The following TSC22D1 variants were observed in gnomAD, a reference collection of about 807,000 sequenced individuals.
TSC22D1 encodes the protein TSC22 domain family member 1.
In TSC22D1, 9 loss-of-function variants were observed where a neutral mutation model predicts 74.2. That is an observed-to-expected ratio of 0.12 (90% CI 0.07 to 0.21). The LOEUF (loss-of-function observed/expected upper bound fraction) is 0.21, where lower values mean the gene tolerates loss of function less well. TSC22D1 is among the 10% of genes least tolerant of loss of function. TSC22D1 has a pLI of 1.00. For missense variants in TSC22D1, 1,427 were observed against 1,304.7 expected, an observed-to-expected ratio of 1.09 and a Z score of -1.44; for synonymous variants, 586 against 492.5, an observed-to-expected ratio of 1.19 and a Z score of -2.51.
In TSC22D1 at chr13:44,573,527, T is replaced by C; in HGVS notation, c.2548A>G (p.Asn850Asp). ...GPSGMPSAPT[N>D]LVPPQNIAQT... ...GCTATATTTTGTGGTGGAACCAAGT[T>C]TGTTGGGGCAGAAGGCATTCCAGAA... Residue 850 changes from asparagine to aspartate, a missense_variant, in exon 1 of 3, where the codon AAC becomes GAC. By Grantham distance (23) the Asn-to-Asp change is conservative. This residue lies in a region of TSC22D1 where 1,343 missense variants were observed against 1,191.5 expected (regional missense o/e 1.13). Coordinates refer to ENST00000458659, the MANE Select transcript of TSC22D1 (RefSeq NM_183422.4). The C allele has an allele frequency of 6.2e-7, 1 of 1,614,192 alleles. No individual in the cohort carries two copies. The highest frequency in any genetic ancestry group is 8.5e-7 in the Non-Finnish European group (1 of 1,180,042).
chr13:44,542,589 A>G (rs933286667), intron 1 of TSC22D1, among the ~76,000 whole-genome samples: 30 of 152,252 alleles, frequency 2.0e-4, no homozygotes, highest in Admixed American at 1.2e-3. Context: ...CTTTCAGAAT[A>G]TAACTTCTTT....
chr13:44,475,197 AT>A (rs1456443046), intron 1 of TSC22D1, among the ~76,000 whole-genome samples: 2 of 152,192 alleles, frequency 1.3e-5, no homozygotes, highest in African/African-American at 4.8e-5. Context: ...CCTTAAAAAA[AT>A]AAACTTGAGA....
intron 1 of TSC22D1, among the ~76,000 whole-genome samples, chr13:44,483,813 G>C (rs1729809324): frequency 6.6e-6 from 1 of 152,168 alleles, no homozygotes. Context: ...AAAGATGCTG[G>C]ACTTGGAATA....
At chr13:44,566,014 T>C (rs992469082) in intron 1 of TSC22D1, among the ~76,000 whole-genome samples, 3 of 152,210 alleles carry the variant, frequency 2.0e-5, no homozygotes, top group South Asian at 4.1e-4. Context: ...CATTTAACAT[T>C]TGAATGTCTA....
chr13:44,563,035 G>T (rs771762285), intron 1 of TSC22D1, among the ~76,000 whole-genome samples: 2 of 151,740 alleles, frequency 1.3e-5, no homozygotes, highest in Non-Finnish European at 2.9e-5. Flanking sequence ...ACCCGCGAGG[G>T]GAAGGTTGCA....
chr13:44,517,821 G>GTATA (rs1404352566), intron 1 of TSC22D1, among the ~76,000 whole-genome samples: 2 of 32,644 alleles, frequency 6.1e-5, no homozygotes, highest in African/African-American at 2.2e-4. Context: ...ATGTGTGTGT[G>GTATA]TGTGTGTGTA....
chr13:44,492,867 T>C (rs1230112167), intron 1 of TSC22D1, among the ~76,000 whole-genome samples: 1 of 152,152 alleles, frequency 6.6e-6, no homozygotes, highest in Non-Finnish European at 1.5e-5. Flanking sequence ...TTAAAATACA[T>C]AAATATGAGT....
intron 1 of TSC22D1, among the ~76,000 whole-genome samples, chr13:44,523,205 C>A (rs1880397271): frequency 6.6e-6 from 1 of 152,148 alleles, no homozygotes; most frequent in South Asian, 2.1e-4. Context: ...GGTGGAAATG[C>A]AAAAACAGTA....
chr13:44,568,022 T>A (rs1391424533), intron 1 of TSC22D1, among the ~76,000 whole-genome samples: 1 of 152,148 alleles, frequency 6.6e-6, no homozygotes, highest in Non-Finnish European at 1.5e-5. Flanking sequence ...ACATACAATA[T>A]ATAAGATATC....
intron 1 of TSC22D1, among the ~76,000 whole-genome samples, chr13:44,517,847 ATATATATATATT>A (rs1880108453): frequency 4.2e-5 from 1 of 24,042 alleles, no homozygotes; most frequent in East Asian, 5.6e-4. Flanking sequence ...ATATATATAT[ATATATATATATT>A]TTTTTTTTTT....
chr13:44,487,767 C>T (rs569150515), intron 1 of TSC22D1, among the ~76,000 whole-genome samples: 8 of 151,588 alleles, frequency 5.3e-5, no homozygotes, highest in African/African-American at 1.9e-4. Flanking sequence ...AGTACAAAAA[C>T]ACTTCTTGGC....
intron 1 of TSC22D1, among the ~76,000 whole-genome samples, chr13:44,516,885 T>C (rs1400672286): frequency 1.3e-5 from 2 of 152,140 alleles, no homozygotes; most frequent in Non-Finnish European, 2.9e-5. Flanking sequence ...CAATTACCTA[T>C]AAGATGGAGG....
At chr13:44,499,529 T>A (rs1232471419) in intron 1 of TSC22D1, among the ~76,000 whole-genome samples, 1 of 152,176 alleles carries the variant, frequency 6.6e-6, no homozygotes, top group Non-Finnish European at 1.5e-5. Context: ...CTTTACAACA[T>A]CTATAGATTT....
chr13:44,565,353 G>A (rs1258333434), intron 1 of TSC22D1, among the ~76,000 whole-genome samples: 1 of 152,090 alleles, frequency 6.6e-6, no homozygotes, highest in African/African-American at 2.4e-5. Context: ...GCAAAATAGA[G>A]TGTTTCAAGG....
intron 1 of TSC22D1, among the ~76,000 whole-genome samples, chr13:44,495,323 T>G (rs1035456389): frequency 2.7e-5 from 4 of 146,442 alleles, no homozygotes; most frequent in African/African-American, 7.5e-5. Flanking sequence ...AGTCTAACGG[T>G]AATTCTATAT....
At chr13:44,487,521 A>AAAAAAAAAAAAAAAAAAG (rs1566135759) in intron 1 of TSC22D1, among the ~76,000 whole-genome samples, 2 of 147,816 alleles carry the variant, frequency 1.4e-5, no homozygotes, top group African/African-American at 5.0e-5. Flanking sequence ...AAAAAAAAAA[A>AAAAAAAAAAAAAAAAAAG]AAAAAAGAAA....
intron 1 of TSC22D1, among the ~76,000 whole-genome samples, chr13:44,508,475 G>A (rs1879539214): frequency 6.6e-6 from 1 of 152,102 alleles, no homozygotes; most frequent in Non-Finnish European, 1.5e-5. Context: ...TTAAAAAAAG[G>A]AAACGAATCA....
chr13:44,537,905 T>C, intron 1 of TSC22D1: 1 of 985,068 alleles, frequency 1.0e-6, no homozygotes, highest in African/African-American at 1.7e-5. Context: ...AACTCTAGAA[T>C]GTCTATTCTT....
chr13:44,525,795 C>CAAAAAAAAAAAAAAAAAAAAAAA (rs59399056), intron 1 of TSC22D1, among the ~76,000 whole-genome samples: 1 of 88,552 alleles, frequency 1.1e-5, no homozygotes. Context: ...TAGCTTTTAA[C>CAAAAAAAAAAAAAAAAAAAAAAA]AAAAAAAAAA....
Sources: allele counts gnomAD v4.1 joint callset (sites outside exome capture counted in the v4.1 genomes callset), GRCh38; gene constraint gnomAD v4.1.1; regional missense constraint gnomAD v4.1.1; transcripts MANE v1.5; gene names NCBI Gene and HGNC (gene_info 2026-07-23, HGNC 2026-07-21).